Variants in KDM2A observed in about 807,000 individuals in gnomAD.
KDM2A encodes lysine-specific demethylase 2A.
KDM2A carries 3 observed loss-of-function variants against 137.3 expected under a neutral mutation model. That is an observed-to-expected ratio of 0.02 (90% CI 0.01 to 0.06). The LOEUF is 0.06. Ranked by LOEUF, KDM2A falls within the 10% of genes least tolerant of loss-of-function variation. KDM2A has a pLI of 1.00. For synonymous variants in KDM2A, 512 were observed against 541.5 expected, an observed-to-expected ratio of 0.95 and a Z score of 0.76; for missense variants, 738 against 1,510.6, an observed-to-expected ratio of 0.49 and a Z score of 8.48.
In KDM2A at chr11:67,245,209, A is replaced by C. The variant is rs1859169106; in HGVS notation, c.1584A>C (p.Pro528=). 6.2e-7 allele frequency: 1 copy of C among 1,613,280 alleles called. No individual in the cohort carries two copies. The highest frequency in any genetic ancestry group is 1.3e-5 in the African/African-American group (1 of 74,920). Residue 528 remains proline (P), a synonymous_variant, in exon 14 of 21, where the codon CCA becomes CCC. Transcript: ENST00000529006. This position sits in a 1 kb window ranked among gnomAD's most constrained non-coding sequence, Gnocchi z 4.1. ...TCCAGCTTAAATTCCCCACTCGGCCAAAGGTGCGGGTTCCTACCATCCCCA... is the reference window on the plus strand; with the variant it reads ...TCCAGCTTAAATTCCCCACTCGGCCCAAGGTGCGGGTTCCTACCATCCCCA... ...KRDKLKFPTR[P]KVRVPTIPIT...
intron 16 of KDM2A, among the ~76,000 whole-genome samples, chr11:67,249,876 A>G (rs572706230): frequency 6.6e-6 from 1 of 152,312 alleles, no homozygotes; most frequent in South Asian, 2.1e-4. Context: ...TCACACCTAT[A>G]ATTCCAGCAC....
chr11:67,136,688 T>C (rs2136288940), intron 2 of KDM2A, among the ~76,000 whole-genome samples: 1 of 152,240 alleles, frequency 6.6e-6, no homozygotes, highest in Admixed American at 6.6e-5. Context: ...TGTTCAGGGG[T>C]TCTGGGGACC....
chr11:67,148,791 A>G (rs11227713), intron 2 of KDM2A, among the ~76,000 whole-genome samples: 4,638 of 152,176 alleles, frequency 0.03, 108 homozygotes, highest in African/African-American at 0.065. Flanking sequence ...ATAAGAGCAA[A>G]ATTCCGTCTC....
intron 2 of KDM2A, among the ~76,000 whole-genome samples, chr11:67,176,605 T>G (rs999012276): frequency 6.6e-6 from 1 of 152,164 alleles, no homozygotes; most frequent in Non-Finnish European, 1.5e-5. Context: ...CAATCTAGAG[T>G]GTACTTACAC....
At chr11:67,150,791 A>G (rs1856366536) in intron 2 of KDM2A, among the ~76,000 whole-genome samples, 1 of 149,288 alleles carries the variant, frequency 6.7e-6, no homozygotes, top group Admixed American at 6.8e-5. Flanking sequence ...ACAGAGCAAG[A>G]CCCCATCTCT....
intron 2 of KDM2A, among the ~76,000 whole-genome samples, chr11:67,139,654 C>G (rs1186845405): frequency 6.6e-6 from 1 of 152,060 alleles, no homozygotes; most frequent in Non-Finnish European, 1.5e-5. Context: ...ACTAGTATTA[C>G]AGGCATGAGC....
rs568286358 is a variant in KDM2A at position 67,169,684 on chromosome 11, G to C, written c.43-10395G>C. On this transcript the variant is annotated intron_variant, in intron 2 of 20. Transcript: ENST00000529006. Reference sequence around the variant, plus strand: ...AGCCACTGCGCTCAGCCCATCACTTGGTTTCTTTTTTCTTTCTTTTTTCTT... The same window carrying C: ...AGCCACTGCGCTCAGCCCATCACTTCGTTTCTTTTTTCTTTCTTTTTTCTT... 3.5e-5 allele frequency among the ~76,000 whole-genome samples: 5 copies of C among 143,488 alleles called. No individual in the cohort carries two copies. In the South Asian group the frequency reaches 1.1e-3, roughly 32 times the overall value. The allele number at this position is 143,488 out of a possible 152,430, so 94.1% of individuals were successfully genotyped here.
intron 2 of KDM2A, among the ~76,000 whole-genome samples, chr11:67,159,421 T>A (rs1033324010): frequency 3.3e-5 from 5 of 152,230 alleles, no homozygotes; most frequent in African/African-American, 4.8e-5. Context: ...CTAAGCTACA[T>A]TATTTGTAAA....
chr11:67,234,974 G>A (rs1044373245), intron 12 of KDM2A, among the ~76,000 whole-genome samples: 27 of 151,640 alleles, frequency 1.8e-4, no homozygotes, highest in Non-Finnish European at 3.5e-4. Flanking sequence ...GTGAAACCCC[G>A]TCTCTAGAAA....
intron 12 of KDM2A, among the ~76,000 whole-genome samples, chr11:67,235,662 C>T (rs1858850095): frequency 1.3e-5 from 2 of 151,524 alleles, no homozygotes. Context: ...TGCTCTGTCA[C>T]CTAGGCTGGG....
In KDM2A at chr11:67,250,591, GGGGAGAGGAGGA is replaced by G. The variant is rs762064737; in HGVS notation, c.2564_2575del (p.Gly855_Glu858del). On this transcript the variant is annotated inframe_deletion, in exon 17 of 21. Coordinates refer to ENST00000529006, the MANE Select transcript of KDM2A (RefSeq NM_012308.3). The surrounding 1 kb of genome is among the most constrained non-coding windows in gnomAD (Gnocchi z 7.1). ...CAGCGTGGGGATGAGGAGGGGCTGG[GGGGAGAGGAGGA>G]GGAAGAGGAGGAGGAGGAGGAGGAA... The G allele has an allele frequency of 6.8e-6, 11 of 1,612,978 alleles. No individual in the cohort carries two copies. Among genetic ancestry groups the G allele is most frequent in the South Asian group, 1.1e-5 (1 of 91,038 alleles).
chr11:67,126,191 A>T (rs1339972058), intron 2 of KDM2A, among the ~76,000 whole-genome samples: 1 of 150,750 alleles, frequency 6.6e-6, no homozygotes, highest in East Asian at 1.9e-4. Flanking sequence ...GGTTGTGCTG[A>T]GCTGAGATCA....
Position 67,257,982 on chromosome 11 carries a change from A to G in KDM2A, c.*2927A>G, listed in dbSNP as rs1859665801. The G allele has an allele frequency of 6.6e-6, 1 of 152,214 alleles. No individual in the cohort carries two copies. Among genetic ancestry groups the G allele is most frequent in the Non-Finnish European group, 1.5e-5 (1 of 68,040 alleles). 9.4% of individuals were successfully genotyped at this position (152,214 alleles called of 1,614,324 possible). A position where few individuals can be genotyped will look rare whatever the true frequency, so the allele number is the denominator to read the frequency against. ...TGTAATAAAATTTTTAAAAGACAAA[A>G]AAAGAAATAGCCTCCAATGGGAAAT... On this transcript the variant is annotated 3_prime_UTR_variant, in exon 21 of 21. Coordinates refer to ENST00000529006, the MANE Select transcript of KDM2A (RefSeq NM_012308.3).
chr11:67,125,711 G>A lies in KDM2A; in HGVS notation c.42+4353G>A, dbSNP rs1183454654. On this transcript the variant is annotated intron_variant, in intron 2 of 20. Coordinates refer to ENST00000529006, the MANE Select transcript of KDM2A (RefSeq NM_012308.3). The stretch of plus-strand genomic sequence containing the variant: ...GGAGAATCGCTTGAACCTGGGAGGT[G>A]GAGGTTGCACTAAGCAGAGATTGCG... Among the ~76,000 whole-genome samples, 3 of 149,892 alleles carry A rather than the reference G, an allele frequency of 2.0e-5. No homozygotes were observed. In the East Asian group the frequency reaches 6.0e-4, roughly 30 times the overall value.
At chr11:67,236,355 C>G (rs1211288062) in intron 12 of KDM2A, among the ~76,000 whole-genome samples, 4 of 152,096 alleles carry the variant, frequency 2.6e-5, no homozygotes, top group Non-Finnish European at 5.9e-5. Flanking sequence ...GGTCTTGACT[C>G]CTGACCTCAA....
intron 2 of KDM2A, among the ~76,000 whole-genome samples, chr11:67,163,649 A>T (rs545621795): frequency 3.2e-4 from 48 of 152,256 alleles, no homozygotes; most frequent in Non-Finnish European, 6.2e-4. Flanking sequence ...TGAGGTCAAG[A>T]GATCGAGATC....
At chr11:67,185,795 C>A (rs755758869) in intron 5 of KDM2A, among the ~76,000 whole-genome samples, 8 of 151,874 alleles carry the variant, frequency 5.3e-5, no homozygotes, top group Non-Finnish European at 1.2e-4. Flanking sequence ...GAGTTCGGCC[C>A]CTTCGTGCTT....
intron 10 of KDM2A, among the ~76,000 whole-genome samples, chr11:67,227,082 T>A (rs534824625): frequency 1.8e-4 from 28 of 152,312 alleles, no homozygotes; most frequent in African/African-American, 6.7e-4. Flanking sequence ...CTTTTAAAAT[T>A]AGTATCCAGC....
chr11:67,160,406 G>A (rs1856609715), intron 2 of KDM2A, among the ~76,000 whole-genome samples: 1 of 152,126 alleles, frequency 6.6e-6, no homozygotes, highest in Non-Finnish European at 1.5e-5. Context: ...CAGGATGAGA[G>A]CAGTAACCTT....
Sources: allele counts gnomAD v4.1 joint callset (sites outside exome capture counted in the v4.1 genomes callset), GRCh38; gene constraint gnomAD v4.1.1; non-coding constraint Gnocchi (gnomAD v3.1); transcripts MANE v1.5; gene names NCBI Gene and HGNC (gene_info 2026-07-23, HGNC 2026-07-21).